Variants in SNX24 observed in about 807,000 individuals in gnomAD.
SNX24 encodes sorting nexin-24.
Under a neutral mutation model 28.7 loss-of-function variants are expected in SNX24, and 22 were observed. The observed-to-expected ratio is 0.77, with a 90% CI of 0.55 to 1.10. The LOEUF is 1.10. SNX24 is among the 50% of genes least tolerant of loss of function. The pLI is 0.00. For missense variants in SNX24, 221 were observed against 201.1 expected (o/e 1.10, Z -0.60); for synonymous variants, 69 against 71.5 (o/e 0.96, Z 0.18).
intron 1 of SNX24, among the ~76,000 whole-genome samples, chr5:122,905,324 C>G (rs1211091914): frequency 6.6e-6 from 1 of 152,010 alleles, no homozygotes; most frequent in African/African-American, 2.4e-5. Context: ...GCCAGCGCAC[C>G]CTGAGAGGTC....
At chr5:123,009,755 G>A (rs1013042545), downstream of SNX24, among the ~76,000 whole-genome samples, 3 of 152,224 alleles carry the variant, frequency 2.0e-5, no homozygotes, top group African/African-American at 7.2e-5. Context: ...AATGCTTACA[G>A]AATCTGTTGG....
At chr5:122,896,805 C>T (rs2150075565) in intron 1 of SNX24, among the ~76,000 whole-genome samples, 1 of 152,362 alleles carries the variant, frequency 6.6e-6, no homozygotes, top group South Asian at 2.1e-4. Context: ...CTCCCAACTA[C>T]TACTTGTTAG....
chr5:122,908,975 A>G (rs1757764798), intron 1 of SNX24, among the ~76,000 whole-genome samples: 1 of 152,208 alleles, frequency 6.6e-6, no homozygotes, highest in Non-Finnish European at 1.5e-5. Flanking sequence ...GACTTGCTCT[A>G]AGAAAGGTTG....
chr5:123,003,687 T>G (rs1762325614), intron 6 of SNX24, among the ~76,000 whole-genome samples: 1 of 152,216 alleles, frequency 6.6e-6, no homozygotes, highest in Non-Finnish European at 1.5e-5. Flanking sequence ...TACCATGTGC[T>G]CTATGCCTGG....
intron 1 of SNX24, among the ~76,000 whole-genome samples, chr5:122,899,309 C>A (rs1375650611): frequency 6.6e-6 from 1 of 152,182 alleles, no homozygotes. Context: ...CTTGAGTGAA[C>A]ATGTCTTCAG....
intron 1 of SNX24, among the ~76,000 whole-genome samples, chr5:122,886,583 G>A (rs1756726493): frequency 6.6e-6 from 1 of 152,176 alleles, no homozygotes; most frequent in Non-Finnish European, 1.5e-5. Context: ...GGGAGGCCTA[G>A]GTCAGGGAAT....
At chr5:122,891,241 TTATTCTAA>T in intron 1 of SNX24, 2 of 1,029,668 alleles carry the variant, frequency 1.9e-6, no homozygotes, top group Non-Finnish European at 2.6e-6. Flanking sequence ...AAGTGCCTAT[TTATTCTAA>T]TATCAATGTA....
chr5:123,007,219 TCTAATGGAAC>T (rs1762449445), intron 6 of SNX24, among the ~76,000 whole-genome samples: 1 of 152,206 alleles, frequency 6.6e-6, no homozygotes, highest in Admixed American at 6.5e-5. Context: ...TCGAAGCTAG[TCTAATGGAAC>T]AAGTAGACTC....
chr5:122,891,253 CA>C, intron 1 of SNX24: 1 of 931,220 alleles, frequency 1.1e-6, no homozygotes, highest in Non-Finnish European at 1.5e-6. Context: ...ATTCTAATAT[CA>C]ATGTATTCTA....
chr5:122,923,180 A>T (rs1758519671), intron 1 of SNX24, among the ~76,000 whole-genome samples: 1 of 151,910 alleles, frequency 6.6e-6, no homozygotes, highest in Non-Finnish European at 1.5e-5. Flanking sequence ...AAATATAAAA[A>T]CTAAAAATAT....
chr5:123,010,367 T>C (rs1289079393), downstream of SNX24, among the ~76,000 whole-genome samples: 1 of 151,954 alleles, frequency 6.6e-6, no homozygotes, highest in Non-Finnish European at 1.5e-5. Flanking sequence ...CTCAACTCAC[T>C]GCAACTTCTG....
At chr5:122,922,136 A>G (rs894042537) in intron 1 of SNX24, among the ~76,000 whole-genome samples, 9 of 152,206 alleles carry the variant, frequency 5.9e-5, no homozygotes, top group African/African-American at 1.7e-4. Context: ...TGTATCTAGA[A>G]GAGGTAGTAG....
In SNX24 at chr5:123,009,003, G is replaced by T. The variant is rs946099293; in HGVS notation, c.*1254G>T. The T allele has an allele frequency of 6.1e-6, 6 of 985,594 alleles. No homozygotes were observed. Among genetic ancestry groups the T allele is most frequent in the East Asian group, 1.1e-4 (1 of 8,826 alleles). The allele number at this position is 985,594 out of a possible 1,614,324, so 61.1% of individuals were successfully genotyped here. On this transcript the variant is annotated 3_prime_UTR_variant, in exon 7 of 7. Transcript: ENST00000261369. Reference sequence around the variant, plus strand: ...AACTAATAACTACATCATGGTTTTTGATTAGGATCTAAATATTCAGGTTTT... The same window carrying T: ...AACTAATAACTACATCATGGTTTTTTATTAGGATCTAAATATTCAGGTTTT...
chr5:122,869,135 T>A (rs1179181986), intron 1 of SNX24, among the ~76,000 whole-genome samples: 2 of 152,236 alleles, frequency 1.3e-5, no homozygotes, highest in Non-Finnish European at 2.9e-5. Flanking sequence ...TCCTTGTTTA[T>A]TATCGGTGAA....
intron 3 of SNX24, among the ~76,000 whole-genome samples, chr5:122,957,534 A>T (rs576004245): frequency 6.6e-6 from 1 of 152,212 alleles, no homozygotes; most frequent in South Asian, 2.1e-4. Context: ...TTTTGAATGG[A>T]TTTTTATATT....
intron 6 of SNX24, among the ~76,000 whole-genome samples, chr5:123,003,437 T>C (rs1239015171): frequency 6.6e-6 from 1 of 152,192 alleles, no homozygotes; most frequent in Non-Finnish European, 1.5e-5. Flanking sequence ...TAATGCAATC[T>C]AATATAGATT....
At chr5:122,986,824 G>C in intron 3 of SNX24, among the ~76,000 whole-genome samples, 1 of 116,656 alleles carries the variant, frequency 8.6e-6, no homozygotes, top group Non-Finnish European at 1.6e-5. Context: ...AAGGTGAAGA[G>C]ACAGATAGGT....
intron 3 of SNX24, among the ~76,000 whole-genome samples, chr5:122,976,150 C>T (rs1312842114): frequency 6.6e-6 from 1 of 152,006 alleles, no homozygotes; most frequent in Non-Finnish European, 1.5e-5. Flanking sequence ...TGTCCAACAC[C>T]TATGGCTGAT....
At chr5:123,007,648 C>CTTTTTTTTTTCTT in intron 6 of SNX24, 34 bp from the exon 7 acceptor site, 3 of 1,389,030 alleles carry the variant, frequency 2.2e-6, no homozygotes, top group South Asian at 2.6e-5. Flanking sequence ...AGCAGTTTTT[C>CTTTTTTTTTTCTT]TTTTTTTTTT....
Sources: gnomAD v4.1 joint callset for allele counts (sites outside exome capture counted in the v4.1 genomes callset) on GRCh38, gnomAD v4.1.1 for gene constraint, MANE v1.5 for transcripts, NCBI Gene and HGNC (gene_info 2026-07-23, HGNC 2026-07-21) for gene names.